The following SOX6 variants were observed in gnomAD, a reference collection of about 807,000 sequenced individuals.
The protein encoded by SOX6 is SRY-box transcription factor 6.
SOX6 carries 11 observed loss-of-function variants against 97.8 expected under a neutral mutation model. The observed-to-expected ratio is 0.11, with a 90% confidence interval of 0.07 to 0.19. The LOEUF (loss-of-function observed/expected upper bound fraction) is 0.19, where lower values mean the gene tolerates loss of function less well. Among genes scored for constraint, SOX6 ranks in the 10% least tolerant of loss-of-function variants. SOX6 has a pLI of 1.00. For missense variants in SOX6, 810 were observed against 1,039.5 expected (o/e 0.78, Z 3.04); for synonymous variants, 360 against 371.4 (o/e 0.97, Z 0.35).
chr11:16,527,584 C>A (rs1334767231), intron 4 of SOX6, among the ~76,000 whole-genome samples: 2 of 152,116 alleles, frequency 1.3e-5, no homozygotes, highest in East Asian at 1.9e-4. Flanking sequence ...AAATACATTT[C>A]TTTGCCTCAT....
chr11:16,294,277 TTATTACATTAATATCAGGAATTA>T (rs1269654282), intron 3 of SOX6, among the ~76,000 whole-genome samples: 1 of 152,046 alleles, frequency 6.6e-6, no homozygotes, highest in Non-Finnish European at 1.5e-5. Context: ...CAGTAAATGT[TTATTACATTAATATCAGGAATTA>T]TTATTTTTAA....
intron 3 of SOX6, among the ~76,000 whole-genome samples, chr11:16,282,854 T>G (rs1854606028): frequency 6.6e-6 from 1 of 150,422 alleles, no homozygotes; most frequent in Non-Finnish European, 1.5e-5. Flanking sequence ...AAACCACAGT[T>G]TTAAAATTAA....
chr11:16,635,253 T>C (rs1848767783), intron 3 of SOX6, among the ~76,000 whole-genome samples: 2 of 152,210 alleles, frequency 1.3e-5, no homozygotes, highest in Admixed American at 1.3e-4. Flanking sequence ...TGAGAAACTC[T>C]GGAGGTTCCT....
chr11:16,434,601 T>C (rs1458285365), intron 1 of SOX6, among the ~76,000 whole-genome samples: 1 of 152,186 alleles, frequency 6.6e-6, no homozygotes, highest in Non-Finnish European at 1.5e-5. Context: ...TAATTGTTTA[T>C]GTATCTGTCT....
At chr11:16,099,386 T>C (rs1590195493) in intron 7 of SOX6, among the ~76,000 whole-genome samples, 1 of 151,922 alleles carries the variant, frequency 6.6e-6, no homozygotes, top group East Asian at 1.9e-4. Context: ...AGTATTTCTT[T>C]GGTAGATATC....
intron 1 of SOX6, among the ~76,000 whole-genome samples, chr11:16,400,006 C>T (rs745380202): frequency 2.6e-5 from 4 of 151,306 alleles, no homozygotes; most frequent in Non-Finnish European, 5.9e-5. Flanking sequence ...AGTTTCAGTT[C>T]CATTGAAACT....
At chr11:15,973,187 A>G in intron 15 of SOX6, 75 bp from the exon 16 acceptor site, 1 of 1,412,026 alleles carries the variant, frequency 7.1e-7, no homozygotes, top group Non-Finnish European at 9.9e-7. Flanking sequence ...ATTGGAATTC[A>G]CACCCTACAC....
intron 12 of SOX6, among the ~76,000 whole-genome samples, chr11:16,039,173 C>G (rs1227752830): frequency 1.3e-5 from 2 of 151,976 alleles, no homozygotes; most frequent in East Asian, 3.8e-4. Context: ...TTTTTATTTC[C>G]CACAATCTCC....
intron 12 of SOX6, among the ~76,000 whole-genome samples, chr11:16,019,444 T>C (rs1358752942): frequency 6.6e-6 from 1 of 152,092 alleles, no homozygotes; most frequent in Non-Finnish European, 1.5e-5. Flanking sequence ...CCATTATCTA[T>C]AGCATAGCTA....
At chr11:16,277,221 G>A (rs1234585315) in intron 3 of SOX6, among the ~76,000 whole-genome samples, 2 of 152,050 alleles carry the variant, frequency 1.3e-5, no homozygotes, top group Non-Finnish European at 2.9e-5. Flanking sequence ...AGGTAATTAG[G>A]TTTAGATGAG....
intron 3 of SOX6, among the ~76,000 whole-genome samples, chr11:16,679,411 AAT>A (rs1159063165): frequency 3.3e-5 from 5 of 152,190 alleles, no homozygotes; most frequent in Non-Finnish European, 7.3e-5. Flanking sequence ...AACAGAAAGG[AAT>A]AGCATCAACA....
chr11:16,207,098 G>A (rs1398130965), intron 4 of SOX6, among the ~76,000 whole-genome samples: 1 of 151,956 alleles, frequency 6.6e-6, no homozygotes, highest in African/African-American at 2.4e-5. Flanking sequence ...AAAATCTCCA[G>A]AAAAGTCATT....
chr11:16,560,631 G>A (rs548458628), intron 4 of SOX6, among the ~76,000 whole-genome samples: 4 of 139,432 alleles, frequency 2.9e-5, no homozygotes, highest in African/African-American at 5.2e-5. Context: ...ATGTTTATAC[G>A]TACATATATG....
intron 4 of SOX6, among the ~76,000 whole-genome samples, chr11:16,226,517 C>T (rs1852694626): frequency 6.6e-6 from 1 of 152,080 alleles, no homozygotes; most frequent in Non-Finnish European, 1.5e-5. Context: ...GGCAGGCTGA[C>T]TAAGATGATC....
chr11:16,051,834 T>C (rs1451113122), intron 10 of SOX6, among the ~76,000 whole-genome samples: 2 of 152,154 alleles, frequency 1.3e-5, no homozygotes, highest in Non-Finnish European at 2.9e-5. Flanking sequence ...TCTGGGCCTC[T>C]AATTGCATAC....
chr11:16,191,681 A>G (rs1306233164), intron 4 of SOX6, among the ~76,000 whole-genome samples: 2 of 152,074 alleles, frequency 1.3e-5, no homozygotes, highest in Non-Finnish European at 2.9e-5. Context: ...ATAAAAACAG[A>G]GGTAGTTTCA....
rs921276361 is a variant in SOX6, at chr11:16,605,540, T to C, written n.609+6541A>G. On this transcript the variant is annotated intron_variant and non_coding_transcript_variant, in intron 4 of 5. Coordinates refer to the SOX6 transcript ENST00000524520. The surrounding 1 kb of genome is among the most constrained non-coding windows in gnomAD (Gnocchi z 5.3). Reference sequence around the variant, plus strand: ...CAACTCGAGCGGTGTCCCGAAAAAGTTGCGGCGGAGCGGCGGTGGGGTGAG... The same window carrying C: ...CAACTCGAGCGGTGTCCCGAAAAAGCTGCGGCGGAGCGGCGGTGGGGTGAG... 2.0e-5 allele frequency among the ~76,000 whole-genome samples: 3 copies of C among 151,994 alleles called. No homozygotes were observed. Among genetic ancestry groups the C allele is most frequent in the African/African-American group, 7.2e-5 (3 of 41,384 alleles).
intron 3 of SOX6, among the ~76,000 whole-genome samples, chr11:16,653,871 G>A (rs1360107116): frequency 6.6e-6 from 1 of 151,140 alleles, no homozygotes; most frequent in African/African-American, 2.4e-5. Context: ...GAGTTTTAGA[G>A]CTTTATATTT....
chr11:16,032,343 A>G (rs903467980), intron 12 of SOX6, among the ~76,000 whole-genome samples: 1 of 152,206 alleles, frequency 6.6e-6, no homozygotes, highest in African/African-American at 2.4e-5. Flanking sequence ...AAAGATATCA[A>G]TAATCTTTAC....
Sources: allele counts gnomAD v4.1 joint callset (sites outside exome capture counted in the v4.1 genomes callset), GRCh38; gene constraint gnomAD v4.1.1; non-coding constraint Gnocchi (gnomAD v3.1); transcripts MANE v1.5; gene names NCBI Gene and HGNC (gene_info 2026-07-23, HGNC 2026-07-21).